The following CACNA1A variants were observed in gnomAD, a reference collection of about 807,000 sequenced individuals.
The protein encoded by CACNA1A is voltage-dependent P/Q-type calcium channel subunit alpha-1A.
CACNA1A carries 57 observed loss-of-function variants against 262.4 expected under a neutral mutation model. That is an observed-to-expected ratio of 0.22 (90% CI 0.18 to 0.27). The LOEUF (loss-of-function observed/expected upper bound fraction) is 0.27, where lower values mean the gene tolerates loss of function less well. CACNA1A is among the 10% of genes least tolerant of loss of function. The probability of loss-of-function intolerance (pLI) is 1.00; values close to 1 mark genes in which losing one functional copy is unlikely to be tolerated. For synonymous variants in CACNA1A, 1,431 were observed against 1,419.3 expected, an observed-to-expected ratio of 1.01 and a Z score of -0.18; for missense variants, 2,526 against 3,562.8, an observed-to-expected ratio of 0.71 and a Z score of 7.41.
At position 13,214,682 on chromosome 19, in the gene CACNA1A, A is replaced by G. The variant is rs1405906678; in HGVS notation, c.5732-74T>C. 1 of 1,187,284 alleles carries G rather than the reference A, an allele frequency of 8.4e-7. No individual in the cohort carries two copies. Among genetic ancestry groups the G allele is most frequent in the African/African-American group, 1.5e-5 (1 of 66,242 alleles). The allele number at this position is 1,187,284 out of a possible 1,614,324, so 73.5% of individuals were successfully genotyped here. A position where few individuals can be genotyped will look rare whatever the true frequency, so the allele number is the denominator to read the frequency against. On this transcript the variant is annotated intron_variant, in intron 38 of 46. Transcript: ENST00000360228. This position sits in a 1 kb window ranked among gnomAD's most constrained non-coding sequence, Gnocchi z 4.1. ...TGGACTCTGGGTCAGCTGCAAAGCC[A>G]TAGGCTCCCGAGAACGAGACCCCAA...
intron 1 of CACNA1A, among the ~76,000 whole-genome samples, chr19:13,473,903 A>AT (rs1978302807): frequency 6.6e-6 from 1 of 151,946 alleles, no homozygotes; most frequent in African/African-American, 2.4e-5. Flanking sequence ...AGTTAAACAG[A>AT]TTTTCTGGAA....
intron 6 of CACNA1A, among the ~76,000 whole-genome samples, chr19:13,357,930 C>G (rs773186908): frequency 2.5e-4 from 38 of 151,956 alleles, no homozygotes; most frequent in Non-Finnish European, 5.3e-4. Context: ...TCACCTGAGC[C>G]CAGGAGTTTA....
intron 1 of CACNA1A, among the ~76,000 whole-genome samples, chr19:13,469,441 T>A (rs1276746654): frequency 2.1e-5 from 3 of 143,990 alleles, no homozygotes; most frequent in Non-Finnish European, 4.5e-5. Flanking sequence ...GTTTCCAGCA[T>A]CCTTGTCTTG....
chr19:13,224,272 C>G (rs2144592568), intron 38 of CACNA1A, among the ~76,000 whole-genome samples: 1 of 150,840 alleles, frequency 6.6e-6, no homozygotes, highest in South Asian at 2.1e-4. Flanking sequence ...AGCAATGAGC[C>G]AAGATCACAC....
intron 21 of CACNA1A, chr19:13,284,296 A>G (rs1259729468): frequency 2.0e-5 from 3 of 152,254 alleles, no homozygotes; most frequent in South Asian, 2.1e-4. Flanking sequence ...TAGATACCAC[A>G]TAAGTGTTTC....
intron 23 of CACNA1A, among the ~76,000 whole-genome samples, chr19:13,276,468 A>C (rs546807906): frequency 1.3e-5 from 2 of 151,788 alleles, no homozygotes; most frequent in South Asian, 4.2e-4. Flanking sequence ...CCCTCACCTC[A>C]CTCAAAGTAA....
chr19:13,453,001 T>C lies in CACNA1A; in HGVS notation c.414A>G (p.Pro138=). 6.2e-7 allele frequency: 1 copy of C among 1,613,966 alleles called. No individual in the cohort carries two copies. Among genetic ancestry groups the C allele is most frequent in the Non-Finnish European group, 8.5e-7 (1 of 1,179,876 alleles). The change falls in exon 3 of 47, where the codon CCA becomes CCG. Residue 138 remains proline, a synonymous_variant. Coordinates refer to ENST00000360228, the MANE Select transcript of CACNA1A (RefSeq NM_001127222.2). ...CGAAACAAAAAATTCCAATGAAGTA[T>C]GGTTCTGTGTCATCCTGGAAGGGAG... ...PMSERLDDTE[P]YFIGIFCFEA...
chr19:13,438,842 T>A (rs1441639272), intron 3 of CACNA1A, among the ~76,000 whole-genome samples: 3 of 152,226 alleles, frequency 2.0e-5, no homozygotes, highest in African/African-American at 2.4e-5. Context: ...GACAGAGTTT[T>A]AAAATAAAAT....
At chr19:13,460,317 C>T (rs141862832) in intron 1 of CACNA1A, among the ~76,000 whole-genome samples, 1,718 of 152,196 alleles carry the variant, frequency 0.011, 15 homozygotes, top group Non-Finnish European at 0.018. Flanking sequence ...CAGGTAATTG[C>T]GGTTTTGAGT....
intron 3 of CACNA1A, among the ~76,000 whole-genome samples, chr19:13,399,704 C>A (rs1467074028): frequency 6.6e-6 from 1 of 152,286 alleles, no homozygotes; most frequent in East Asian, 1.9e-4. Flanking sequence ...AACCACCAAC[C>A]TCCACCTTTC....
chr19:13,371,926 C>A (rs1332586208), intron 3 of CACNA1A, 147 bp from the exon 4 acceptor site: 2 of 683,618 alleles, frequency 2.9e-6, no homozygotes, highest in African/African-American at 1.8e-5. Context: ...AGTTTTGTCA[C>A]CTGTAAAATG....
intron 34 of CACNA1A, among the ~76,000 whole-genome samples, chr19:13,232,480 C>T (rs2055700868): frequency 6.6e-6 from 1 of 151,908 alleles, no homozygotes. Flanking sequence ...ACCTGTAATC[C>T]CAGCACTTTG....
chr19:13,343,700 T>G (rs933819516), intron 6 of CACNA1A, among the ~76,000 whole-genome samples: 6 of 152,076 alleles, frequency 3.9e-5, no homozygotes, highest in African/African-American at 1.4e-4. Context: ...TGCAAATATA[T>G]GGATATTACG....
intron 8 of CACNA1A, among the ~76,000 whole-genome samples, 154 bp from the exon 9 acceptor site, chr19:13,333,079 C>G (rs2058493887): frequency 6.6e-6 from 1 of 152,174 alleles, no homozygotes; most frequent in African/African-American, 2.4e-5. Flanking sequence ...TGGTTTGTGA[C>G]TTCAAGCCCC....
At chr19:13,233,884 C>T (rs189785248) in intron 34 of CACNA1A, among the ~76,000 whole-genome samples, 4 of 152,112 alleles carry the variant, frequency 2.6e-5, no homozygotes, top group African/African-American at 9.6e-5. Flanking sequence ...TGTTAGCTTC[C>T]AAAGTGCTTA....
chr19:13,331,537 CCT>C lies in CACNA1A; in HGVS notation c.1256-1206_1256-1205del, dbSNP rs1329399655. 6.6e-5 allele frequency among the ~76,000 whole-genome samples: 10 copies of C among 151,946 alleles called. 1 individual carries two copies. The highest frequency in any genetic ancestry group is 1.3e-4 in the Non-Finnish European group (9 of 67,982). Reference sequence around the variant, plus strand: ...CAGGCATGAGCCACCACGCCCAGCCCCTGTCTAACCAGTTTTCTAAAGTATGA... The same window carrying C: ...CAGGCATGAGCCACCACGCCCAGCCCGTCTAACCAGTTTTCTAAAGTATGA... On this transcript the variant is annotated intron_variant, in intron 9 of 46. Transcript: ENST00000360228.
chr19:13,425,092 C>T (rs1048742895), intron 3 of CACNA1A, among the ~76,000 whole-genome samples: 8 of 152,184 alleles, frequency 5.3e-5, no homozygotes, highest in African/African-American at 1.7e-4. Context: ...GTGTGAGCCA[C>T]TGCGCCTGGC....
intron 17 of CACNA1A, among the ~76,000 whole-genome samples, chr19:13,301,120 A>ATTTT (rs34756816): frequency 1.4e-5 from 2 of 140,994 alleles, no homozygotes; most frequent in East Asian, 2.0e-4. Context: ...TATACATTTA[A>ATTTT]TTTTTTTTTT....
chr19:13,379,001 G>C (rs986576299), intron 3 of CACNA1A, among the ~76,000 whole-genome samples: 1 of 139,280 alleles, frequency 7.2e-6, no homozygotes. Context: ...TTTGTTGAGA[G>C]ATACGGTCTC....
Sources: gnomAD v4.1 joint callset for allele counts (sites outside exome capture counted in the v4.1 genomes callset) on GRCh38, gnomAD v4.1.1 for gene constraint, Gnocchi (gnomAD v3.1) non-coding constraint, MANE v1.5 for transcripts, NCBI Gene and HGNC (gene_info 2026-07-23, HGNC 2026-07-21) for gene names.